TXNDC5: variants seen among roughly 807,000 people sequenced by gnomAD.
TXNDC5 encodes thioredoxin domain-containing protein 5.
TXNDC5 carries 44 observed loss-of-function variants against 52.6 expected under a neutral mutation model. The ratio of observed to expected loss-of-function variants is 0.84; its 90% CI spans 0.66 to 1.08. The LOEUF (loss-of-function observed/expected upper bound fraction) is 1.08, where lower values mean the gene tolerates loss of function less well. Among genes scored for constraint, TXNDC5 ranks in the 50% least tolerant of loss-of-function variants. TXNDC5 has a pLI of 0.00. For missense variants in TXNDC5, 600 were observed against 565.5 expected, an observed-to-expected ratio of 1.06 and a Z score of -0.62; for synonymous variants, 241 against 234.4, an observed-to-expected ratio of 1.03 and a Z score of -0.26.
rs763227907 is a variant in TXNDC5 at position 7,888,849 on chromosome 6, C to A, written c.820-1G>T. 2 of 1,606,130 alleles carry A rather than the reference C, an allele frequency of 1.2e-6. No homozygotes were observed. The highest frequency in any genetic ancestry group is 1.7e-6 in the Non-Finnish European group (2 of 1,175,990). On this transcript the variant is annotated splice_acceptor_variant, in intron 6 of 9. Coordinates refer to ENST00000379757, the MANE Select transcript of TXNDC5 (RefSeq NM_030810.5). LOFTEE classifies it high-confidence loss of function. ...CCCGCTTTCCCTTGTACTGATCCAC[C>A]TGGCCAAGACACGGGCACGCGGCTG...
chr6:7,894,561 G>T (rs1238994), intron 4 of TXNDC5, among the ~76,000 whole-genome samples: 56,944 of 151,968 alleles, frequency 0.37, 12,189 homozygotes, highest in East Asian at 0.65. Flanking sequence ...CAAATTTTTT[G>T]GTTCCCTAGT....
chr6:7,897,938 T>C (rs1760429019), intron 3 of TXNDC5, among the ~76,000 whole-genome samples: 1 of 152,260 alleles, frequency 6.6e-6, no homozygotes. Flanking sequence ...TCATTCAGCT[T>C]TCTTGCCAGG....
chr6:7,882,283 A>C lies in TXNDC5; in HGVS notation c.*861T>G, dbSNP rs1759776349. On this transcript the variant is annotated 3_prime_UTR_variant, in exon 10 of 10. Transcript: ENST00000379757. ...TCTGGTCTTGTCACCCCAGGTGACA[A>C]ATACAACTGGAATCTTTCAATGAGT... The C allele has an allele frequency of 6.6e-6, 1 of 152,454 alleles. No homozygotes were observed. The highest frequency in any genetic ancestry group is 2.1e-4 in the South Asian group (1 of 4,836). 9.4% of individuals were successfully genotyped at this position (152,454 alleles called of 1,614,324 possible).
intron 2 of TXNDC5, among the ~76,000 whole-genome samples, chr6:7,902,217 G>A (rs1162182666): frequency 6.6e-6 from 1 of 152,182 alleles, no homozygotes; most frequent in Non-Finnish European, 1.5e-5. Context: ...CTGGCCTCCA[G>A]GACTGCAGAG....
At chr6:7,888,641 G>GGGGAGGT in intron 7 of TXNDC5, 64 bp downstream of exon 7, 1 of 1,548,146 alleles carries the variant, frequency 6.5e-7, no homozygotes, top group Non-Finnish European at 8.7e-7. Flanking sequence ...CTCTGAGGGT[G>GGGGAGGT]GGGAGGTGGG....
chr6:7,901,750 T>C (rs1760575340), intron 2 of TXNDC5, among the ~76,000 whole-genome samples: 1 of 152,186 alleles, frequency 6.6e-6, no homozygotes, highest in Non-Finnish European at 1.5e-5. Flanking sequence ...CACATGGGCA[T>C]TTGAGTCTCC....
intron 3 of TXNDC5, among the ~76,000 whole-genome samples, chr6:7,895,622 C>T (rs1356234345): frequency 6.6e-6 from 1 of 152,232 alleles, no homozygotes; most frequent in Non-Finnish European, 1.5e-5. Context: ...GGGGTCAGCA[C>T]TTGCAGACAC....
chr6:7,899,683 T>G lies in TXNDC5; in HGVS notation c.414-2A>C. On this transcript the variant is annotated splice_acceptor_variant, in intron 2 of 9. Transcript: ENST00000379757. LOFTEE classifies it high-confidence loss of function. ...TGGCCTGGCTTGAAAAGCTTTAAGC[T>G]GAAAGAATAACAAAGGATTAGACAG... 6.2e-7 allele frequency: 1 copy of G among 1,612,842 alleles called. No individual in the cohort carries two copies. The highest frequency in any genetic ancestry group is 8.5e-7 in the Non-Finnish European group (1 of 1,179,218).
chr6:7,910,756 G>T lies in TXNDC5; in HGVS notation c.21C>A (p.Arg7=). The change falls in exon 1 of 10, where the codon CGC becomes CGA. Residue 7 remains arginine (R), a synonymous_variant. Transcript: ENST00000379757. MPARPG[R]LLPLLARPAA... Reference sequence around the variant, plus strand: ...CCGGCCGGGCCAGCAGCGGGAGGAGGCGTCCTGGGCGCGCGGGCATCGCGG... The same window carrying T: ...CCGGCCGGGCCAGCAGCGGGAGGAGTCGTCCTGGGCGCGCGGGCATCGCGG... The T allele has an allele frequency of 3.0e-6, 3 of 999,950 alleles. No homozygotes were observed. The highest frequency in any genetic ancestry group is 3.6e-6 in the Non-Finnish European group (3 of 842,162). 61.9% of individuals were successfully genotyped at this position (999,950 alleles called of 1,614,324 possible).
At chr6:7,901,662 G>C (rs1188625127) in intron 2 of TXNDC5, among the ~76,000 whole-genome samples, 1 of 152,146 alleles carries the variant, frequency 6.6e-6, no homozygotes, top group Non-Finnish European at 1.5e-5. Context: ...ACAGGGGTGA[G>C]GGAGGTGATG....
At chr6:7,895,645 C>T (rs533590331) in intron 3 of TXNDC5, among the ~76,000 whole-genome samples, 10 of 152,288 alleles carry the variant, frequency 6.6e-5, no homozygotes, top group South Asian at 2.1e-4. Flanking sequence ...GAGTGCCCAG[C>T]GCAGTGGCTC....
intron 1 of TXNDC5, among the ~76,000 whole-genome samples, chr6:7,910,243 C>A (rs1351030014): frequency 1.2e-3 from 175 of 151,430 alleles, no homozygotes; most frequent in African/African-American, 4.0e-3. Context: ...CTGCAGTCCC[C>A]GGCTCCCGGC....
At chr6:7,902,251 C>T (rs1490842403) in intron 2 of TXNDC5, among the ~76,000 whole-genome samples, 1 of 152,144 alleles carries the variant, frequency 6.6e-6, no homozygotes, top group Non-Finnish European at 1.5e-5. Flanking sequence ...TGTTTCTGGC[C>T]ACCCGGTTTG....
chr6:7,902,019 A>G (rs1760582929), intron 2 of TXNDC5, among the ~76,000 whole-genome samples: 1 of 152,158 alleles, frequency 6.6e-6, no homozygotes, highest in South Asian at 2.1e-4. Context: ...AAGGGTTTGG[A>G]CACAGAGAGA....
intron 8 of TXNDC5, 57 bp from the exon 9 acceptor site, chr6:7,884,545 C>T: frequency 6.2e-7 from 1 of 1,609,258 alleles, no homozygotes; most frequent in Non-Finnish European, 8.5e-7. Flanking sequence ...CATTCACCTA[C>T]ACTCTGCTGC....
intron 4 of TXNDC5, among the ~76,000 whole-genome samples, chr6:7,893,561 G>A (rs1034056738): frequency 2.0e-5 from 3 of 152,228 alleles, no homozygotes; most frequent in African/African-American, 4.8e-5. Flanking sequence ...CTGTCCTGCC[G>A]GAGTCGGTCC....
At chr6:7,903,395 C>T (rs751010161) in intron 2 of TXNDC5, among the ~76,000 whole-genome samples, 1 of 152,162 alleles carries the variant, frequency 6.6e-6, no homozygotes, top group Non-Finnish European at 1.5e-5. Flanking sequence ...TTTGTGGAAA[C>T]GCCCACATTT....
At chr6:7,909,602 A>G (rs1760844745) in intron 1 of TXNDC5, among the ~76,000 whole-genome samples, 1 of 152,186 alleles carries the variant, frequency 6.6e-6, no homozygotes, top group African/African-American at 2.4e-5. Context: ...AGTGACCTGG[A>G]CCCGAGAGAG....
chr6:7,903,651 A>G (rs913568515), intron 2 of TXNDC5, among the ~76,000 whole-genome samples: 3 of 152,204 alleles, frequency 2.0e-5, no homozygotes, highest in African/African-American at 7.2e-5. Flanking sequence ...TTTTTGCTTT[A>G]TTGATGGACC....
Sources: allele counts gnomAD v4.1 joint callset (sites outside exome capture counted in the v4.1 genomes callset), GRCh38; gene constraint gnomAD v4.1.1; transcripts MANE v1.5; gene names NCBI Gene and HGNC (gene_info 2026-07-23, HGNC 2026-07-21).